KCNQ1: variants seen among roughly 807,000 people sequenced by gnomAD.
KCNQ1 encodes potassium voltage-gated channel subfamily KQT member 1.
In KCNQ1, 49 loss-of-function variants were observed where a neutral mutation model predicts 72.4. That is an observed-to-expected ratio of 0.68 (90% confidence interval 0.54 to 0.86). KCNQ1 has a LOEUF of 0.86. Ranked by LOEUF, KCNQ1 falls within the 40% of genes least tolerant of loss-of-function variation. The pLI, the probability that KCNQ1 is intolerant of heterozygous loss-of-function variation, is 0.00. For missense variants in KCNQ1, 790 were observed against 945.1 expected (o/e 0.84, Z 2.15); for synonymous variants, 450 against 412.6 (o/e 1.09, Z -1.10).
intron 11 of KCNQ1, chr11:2,688,679 C>T (rs1042530016): frequency 4.5e-5 from 18 of 398,826 alleles, no homozygotes; most frequent in African/African-American, 3.1e-4. Context: ...CATTTCCACA[C>T]ACCACGTGCC....
At chr11:2,569,616 G>A (rs554851635) in intron 2 of KCNQ1, among the ~76,000 whole-genome samples, 6 of 152,194 alleles carry the variant, frequency 3.9e-5, no homozygotes, top group South Asian at 2.1e-4. Context: ...CCTCTCACAC[G>A]TGGGGGCTGG....
At chr11:2,845,248 T>TA (rs1564915300) in intron 15 of KCNQ1, among the ~76,000 whole-genome samples, 1 of 144,100 alleles carries the variant, frequency 6.9e-6, no homozygotes, top group African/African-American at 2.5e-5. Context: ...GCTCCCTACC[T>TA]GACACACTGT....
chr11:2,552,412 G>A (rs1199973372), intron 2 of KCNQ1, among the ~76,000 whole-genome samples: 1 of 152,122 alleles, frequency 6.6e-6, no homozygotes, highest in Non-Finnish European at 1.5e-5. Context: ...TCGATTTCTG[G>A]ACTTTGTCAT....
intron 11 of KCNQ1, chr11:2,689,286 C>T (rs149272499): frequency 2.5e-6 from 1 of 398,676 alleles, no homozygotes; most frequent in African/African-American, 2.1e-5. Context: ...CAGATATCTC[C>T]CACTCCAACC....
chr11:2,725,488 G>A lies in KCNQ1; in HGVS notation c.1515-43356G>A, dbSNP rs978364546. 2.0e-5 allele frequency among the ~76,000 whole-genome samples: 3 copies of A among 152,200 alleles called. No individual in the cohort carries two copies. The highest frequency in any genetic ancestry group is 2.4e-5 in the African/African-American group (1 of 41,430). ...TTTGTCCGGTTGGGGGTCCCCAATC[G>A]TCTTCGAGCTACTGATATAGAACCT... is the stretch of plus-strand genomic sequence containing the variant. On this transcript the variant is annotated intron_variant, in intron 11 of 15. Coordinates refer to ENST00000155840, the MANE Select transcript of KCNQ1 (RefSeq NM_000218.3). This position sits in a 1 kb window ranked among gnomAD's most constrained non-coding sequence, Gnocchi z 7.2.
intron 6 of KCNQ1, among the ~76,000 whole-genome samples, chr11:2,574,823 G>T (rs550561138): frequency 6.6e-6 from 1 of 152,348 alleles, no homozygotes; most frequent in East Asian, 1.9e-4. Flanking sequence ...GTTGGGGCAG[G>T]CCCCACTTTC....
Position 2,471,076 on chromosome 11 carries a change from T to G in KCNQ1, c.386+25592T>G, listed in dbSNP as rs1371447189. 3.3e-5 allele frequency among the ~76,000 whole-genome samples: 5 copies of G among 151,982 alleles called. No individual in the cohort carries two copies. The highest frequency in any genetic ancestry group is 1.5e-5 in the Non-Finnish European group (1 of 67,962). ...TCCAGCACATTTGCTGGGATGGCCC[T>G]CCTCCCTCCACAGCAGAGTTCTACC... On this transcript the variant is annotated intron_variant, in intron 1 of 15. Coordinates refer to ENST00000155840, the MANE Select transcript of KCNQ1 (RefSeq NM_000218.3). The surrounding 1 kb of genome is among the most constrained non-coding windows in gnomAD (Gnocchi z 4.8).
chr11:2,721,816 T>G (rs967420958), intron 11 of KCNQ1, among the ~76,000 whole-genome samples: 6 of 152,190 alleles, frequency 3.9e-5, no homozygotes, highest in African/African-American at 1.4e-4. Context: ...GAGGTTCACC[T>G]GGAGCTGTCT....
Position 2,756,579 on chromosome 11 carries a change from G to A in KCNQ1, c.1515-12265G>A, listed in dbSNP as rs556472018. Among the ~76,000 whole-genome samples, 173 of 152,190 alleles carry A rather than the reference G, an allele frequency of 1.1e-3. 1 individual carries two copies. Among genetic ancestry groups the A allele is most frequent in the Non-Finnish European group, 2.1e-3 (140 of 68,012 alleles). On this transcript the variant is annotated intron_variant, in intron 11 of 15. Coordinates refer to ENST00000155840, the MANE Select transcript of KCNQ1 (RefSeq NM_000218.3). ...GATAGGGGAGACAAGGATACAGTTG[G>A]GGTGGAGCTGTCAGGGTCCAGCATT...
chr11:2,839,958 C>G (rs1271406332), intron 15 of KCNQ1: 4 of 152,164 alleles, frequency 2.6e-5, no homozygotes, highest in African/African-American at 9.7e-5. Flanking sequence ...TGCGTAGACG[C>G]CAAAGTACAG....
intron 7 of KCNQ1, among the ~76,000 whole-genome samples, 166 bp from the exon 8 acceptor site, chr11:2,585,046 T>A (rs1848572418): frequency 6.6e-6 from 1 of 152,160 alleles, no homozygotes; most frequent in South Asian, 2.1e-4. Flanking sequence ...CTGCCCCCCA[T>A]GCTGGCCCAG....
rs527363759 is a variant in KCNQ1, at chr11:2,481,697, G to T, written c.386+36213G>T. 3.3e-5 allele frequency among the ~76,000 whole-genome samples: 5 copies of T among 152,296 alleles called. No homozygotes were observed. The South Asian group carries it at 1.0e-3, about 32-fold the overall frequency. ...AGATTCTCACAGGGGTGTGTACCCT[G>T]TTGCAAACTATGCATGTGAGGGATC... On this transcript the variant is annotated intron_variant, in intron 1 of 15. Coordinates refer to ENST00000155840, the MANE Select transcript of KCNQ1 (RefSeq NM_000218.3). This position sits in a 1 kb window ranked among gnomAD's most constrained non-coding sequence, Gnocchi z 4.6.
Position 2,471,997 on chromosome 11 carries a change from T to C in KCNQ1, c.386+26513T>C, listed in dbSNP as rs1284331725. Among the ~76,000 whole-genome samples, 1 of 152,010 alleles carries C rather than the reference T, an allele frequency of 6.6e-6. No individual in the cohort carries two copies. Among genetic ancestry groups the C allele is most frequent in the Non-Finnish European group, 1.5e-5 (1 of 67,972 alleles). On this transcript the variant is annotated intron_variant, in intron 1 of 15. Coordinates refer to ENST00000155840, the MANE Select transcript of KCNQ1 (RefSeq NM_000218.3). The surrounding 1 kb of genome is among the most constrained non-coding windows in gnomAD (Gnocchi z 4.8). ...GTGTGTGCACCTATGTGTATAAGTG[T>C]GTGTGCACATGTGTATAGGTGTATG... is the stretch of plus-strand genomic sequence containing the variant.
In KCNQ1 at chr11:2,626,773, C is replaced by A. The variant is rs369043332; in HGVS notation, c.1394-35188C>A. 2.5e-6 allele frequency: 1 copy of A among 398,532 alleles called. No homozygotes were observed. The highest frequency in any genetic ancestry group is 3.6e-5 in the East Asian group (1 of 28,066). The allele number at this position is 398,532 out of a possible 1,614,324, so 24.7% of individuals were successfully genotyped here. On this transcript the variant is annotated intron_variant, in intron 10 of 15. Transcript: ENST00000155840. The surrounding 1 kb of genome is among the most constrained non-coding windows in gnomAD (Gnocchi z 4.0). ...CAAACTCCTGGACTCAGAAGTCCTC[C>A]CACCTCAGCCTTCAAAAGTGCTGAG...
At chr11:2,532,422 C>T (rs190545628) in intron 2 of KCNQ1, among the ~76,000 whole-genome samples, 200 of 152,360 alleles carry the variant, frequency 1.3e-3, no homozygotes, top group Middle Eastern at 3.4e-3. Context: ...AGCAGTCTCT[C>T]GAAGCACTGG....
At position 2,659,168 on chromosome 11, in the gene KCNQ1, G is replaced by T; in HGVS notation, c.1394-2793G>T. 1 of 398,580 alleles carries T rather than the reference G, an allele frequency of 2.5e-6. No homozygotes were observed. Among genetic ancestry groups the T allele is most frequent in the South Asian group, 1.3e-4 (1 of 7,846 alleles). 24.7% of individuals were successfully genotyped at this position (398,580 alleles called of 1,614,324 possible). On this transcript the variant is annotated intron_variant, in intron 10 of 15. Coordinates refer to ENST00000155840, the MANE Select transcript of KCNQ1 (RefSeq NM_000218.3). The surrounding 1 kb of genome is among the most constrained non-coding windows in gnomAD (Gnocchi z 4.3). ...TTTGAGATTCAGTTCTGTGGGTTTT[G>T]ACAGATGTCTGGAGTCATGTGTCCA...
chr11:2,568,978 G>A (rs761568713), intron 2 of KCNQ1, among the ~76,000 whole-genome samples: 20 of 151,446 alleles, frequency 1.3e-4, no homozygotes, highest in Non-Finnish European at 2.5e-4. Context: ...TCTGCCTCTC[G>A]AGTTCAAGCG....
intron 2 of KCNQ1, among the ~76,000 whole-genome samples, chr11:2,560,979 G>A (rs1037185853): frequency 1.3e-5 from 2 of 151,924 alleles, no homozygotes; most frequent in Non-Finnish European, 2.9e-5. Context: ...GAGGCGGGCG[G>A]ATCACGAGGT....
intron 11 of KCNQ1, chr11:2,693,099 G>A (rs1850615431): frequency 2.5e-6 from 1 of 398,522 alleles, no homozygotes; most frequent in Non-Finnish European, 4.4e-6. Flanking sequence ...TACTCTTTAA[G>A]AGTCATTTGC....
Sources: allele counts gnomAD v4.1 joint callset (sites outside exome capture counted in the v4.1 genomes callset), GRCh38; gene constraint gnomAD v4.1.1; non-coding constraint Gnocchi (gnomAD v3.1); transcripts MANE v1.5; gene names NCBI Gene and HGNC (gene_info 2026-07-23, HGNC 2026-07-21).